Variants in ACER3 observed in about 807,000 individuals in gnomAD.
The protein encoded by ACER3 is alkCDase 3.
In ACER3, 16 loss-of-function variants were observed where a neutral mutation model predicts 48.9. That is an observed-to-expected ratio of 0.33 (90% CI 0.22 to 0.50). The LOEUF is 0.50. Among genes scored for constraint, ACER3 ranks in the 20% least tolerant of loss-of-function variants. ACER3 has a pLI of 0.98. For missense variants in ACER3, 227 were observed against 326.0 expected (o/e 0.70, Z 2.34); for synonymous variants, 109 against 107.8 (o/e 1.01, Z -0.07).
intron 1 of ACER3, among the ~76,000 whole-genome samples, chr11:76,890,877 T>C (rs1190119129): frequency 1.3e-5 from 2 of 152,126 alleles, no homozygotes; most frequent in Non-Finnish European, 2.9e-5. Context: ...CCTAGCACTT[T>C]GGGAGGCTGA....
intron 2 of ACER3, among the ~76,000 whole-genome samples, chr11:76,939,431 A>C (rs1947281978): frequency 6.6e-6 from 1 of 152,176 alleles, no homozygotes. Context: ...TCTTTGCAAA[A>C]CAAAAATCTT....
chr11:76,912,761 A>G (rs1946417312), intron 1 of ACER3, among the ~76,000 whole-genome samples: 1 of 152,144 alleles, frequency 6.6e-6, no homozygotes. Context: ...GTATTAAGGC[A>G]ATTGAGGAAA....
intron 3 of ACER3, among the ~76,000 whole-genome samples, chr11:76,974,190 T>A (rs575786806): frequency 6.2e-4 from 95 of 152,354 alleles, no homozygotes; most frequent in Non-Finnish European, 1.1e-3. Context: ...TTGTTTTAGC[T>A]ACTGTGGGTC....
At chr11:76,900,162 C>CT (rs995881590) in intron 1 of ACER3, among the ~76,000 whole-genome samples, 60 of 152,142 alleles carry the variant, frequency 3.9e-4, no homozygotes, top group African/African-American at 1.4e-3. Context: ...AAGCCTGTCT[C>CT]TAAGAAAATC....
intron 2 of ACER3, among the ~76,000 whole-genome samples, chr11:76,935,700 G>A (rs1444304293): frequency 6.6e-6 from 1 of 152,196 alleles, no homozygotes; most frequent in Non-Finnish European, 1.5e-5. Context: ...ATTGAATACT[G>A]TACACATGAC....
chr11:76,932,760 A>G (rs1420698150), intron 2 of ACER3, among the ~76,000 whole-genome samples: 1 of 152,234 alleles, frequency 6.6e-6, no homozygotes, highest in Non-Finnish European at 1.5e-5. Flanking sequence ...AAAATAAGAA[A>G]TAAACACCAA....
chr11:76,968,240 G>A (rs1378208188), intron 3 of ACER3, among the ~76,000 whole-genome samples: 22 of 150,282 alleles, frequency 1.5e-4, no homozygotes, highest in Non-Finnish European at 2.7e-4. Context: ...TACAAGGGAT[G>A]TGAAGGACGT....
At chr11:76,886,762 C>T (rs1329890015) in intron 1 of ACER3, among the ~76,000 whole-genome samples, 1 of 152,104 alleles carries the variant, frequency 6.6e-6, no homozygotes, top group Non-Finnish European at 1.5e-5. Context: ...CTCACTGCAA[C>T]CTCTGCCTCC....
At chr11:76,914,351 A>G (rs926585761) in intron 1 of ACER3, among the ~76,000 whole-genome samples, 9 of 152,248 alleles carry the variant, frequency 5.9e-5, no homozygotes, top group Non-Finnish European at 1.2e-4. Context: ...CAAATTTACA[A>G]GAAAAAAACA....
chr11:76,957,955 A>G (rs1482808533), intron 2 of ACER3, among the ~76,000 whole-genome samples: 1 of 148,530 alleles, frequency 6.7e-6, no homozygotes, highest in Non-Finnish European at 1.5e-5. Context: ...TTTTAATTTT[A>G]TTATTATTAT....
chr11:76,987,718 A>C (rs1252075573), intron 5 of ACER3, among the ~76,000 whole-genome samples: 1 of 152,182 alleles, frequency 6.6e-6, no homozygotes, highest in Non-Finnish European at 1.5e-5. Context: ...TGGGAGGACT[A>C]CTTGAGCCCA....
At chr11:76,982,442 C>T (rs1439747724) in intron 4 of ACER3, among the ~76,000 whole-genome samples, 1 of 152,118 alleles carries the variant, frequency 6.6e-6, no homozygotes, top group African/African-American at 2.4e-5. Context: ...GTCTCGATCT[C>T]TTGACCTTGT....
At chr11:76,932,808 G>A (rs1947044782) in intron 2 of ACER3, among the ~76,000 whole-genome samples, 1 of 152,176 alleles carries the variant, frequency 6.6e-6, no homozygotes, top group Non-Finnish European at 1.5e-5. Flanking sequence ...CAGACTTGGA[G>A]ATGTTTGAAA....
Position 76,926,740 on chromosome 11 carries a change from C to T in ACER3, c.214+73C>T, listed in dbSNP as rs1320369386. The T allele has an allele frequency of 4.6e-6, 5 of 1,078,974 alleles. 1 individual carries two copies. The South Asian group carries it at 4.7e-5, about 10-fold the overall frequency. The allele number at this position is 1,078,974 out of a possible 1,614,324, so 66.8% of individuals were successfully genotyped here. A position where few individuals can be genotyped will look rare whatever the true frequency, so the allele number is the denominator to read the frequency against. On this transcript the variant is annotated intron_variant, in intron 2 of 10. Transcript: ENST00000532485. ...CATTTTTCTCATTCATTTCTAAAAG[C>T]GGTTTTCAATTTTGTGTTATTACAT... is the stretch of plus-strand genomic sequence containing the variant.
intron 4 of ACER3, among the ~76,000 whole-genome samples, chr11:76,982,013 TTCCA>T (rs1948594873): frequency 6.6e-6 from 1 of 152,172 alleles, no homozygotes; most frequent in African/African-American, 2.4e-5. Flanking sequence ...TATATGAAAC[TTCCA>T]TTTGCTCCAT....
intron 2 of ACER3, among the ~76,000 whole-genome samples, chr11:76,932,017 T>C (rs10899321): frequency 0.57 from 86,148 of 150,784 alleles, 27,806 homozygotes; most frequent in Non-Finnish European, 0.74. Flanking sequence ...GGTACAATCT[T>C]GGCTCACTGC....
intron 2 of ACER3, among the ~76,000 whole-genome samples, chr11:76,935,790 A>T (rs990393346): frequency 2.0e-5 from 3 of 152,220 alleles, no homozygotes; most frequent in African/African-American, 7.2e-5. Flanking sequence ...AATTAATTAC[A>T]TTTAAATAAA....
At chr11:76,944,837 T>C (rs1947432841) in intron 2 of ACER3, among the ~76,000 whole-genome samples, 2 of 152,154 alleles carry the variant, frequency 1.3e-5, no homozygotes, top group African/African-American at 4.8e-5. Context: ...GGAATACTGA[T>C]AATTTATAAG....
chr11:77,024,055 C>CA lies in ACER3; in HGVS notation c.*3729dup. On this transcript the variant is annotated 3_prime_UTR_variant, in exon 11 of 11. Transcript: ENST00000532485. ...TGCCACTGCACTCCAGCCTGGGCAA[C>CA]AGAGCGAGACTCTGTCTCAAAAAAA... 1.0e-5 allele frequency: 1 copy of CA among 99,280 alleles called. No homozygotes were observed. Among genetic ancestry groups the CA allele is most frequent in the African/African-American group, 4.0e-5 (1 of 25,194 alleles). 6.1% of individuals were successfully genotyped at this position (99,280 alleles called of 1,614,324 possible). A position where few individuals can be genotyped will look rare whatever the true frequency, so the allele number is the denominator to read the frequency against.
Sources: allele counts gnomAD v4.1 joint callset (sites outside exome capture counted in the v4.1 genomes callset), GRCh38; gene constraint gnomAD v4.1.1; transcripts MANE v1.5; gene names NCBI Gene and HGNC (gene_info 2026-07-23, HGNC 2026-07-21).